Variants in CSMD2 observed in about 807,000 individuals in gnomAD.
CSMD2 encodes the protein CUB and sushi domain-containing protein 2.
In CSMD2, 130 loss-of-function variants were observed where a neutral mutation model predicts 398.5. The observed-to-expected ratio is 0.33, with a 90% confidence interval of 0.28 to 0.38. The LOEUF is 0.38. CSMD2 is among the 10% of genes least tolerant of loss of function. The pLI is 1.00. For synonymous variants in CSMD2, 1,828 were observed against 1,908.5 expected (o/e 0.96, Z 1.10); for missense variants, 3,829 against 4,764.9 (o/e 0.80, Z 5.78).
chr1:33,652,196 G>A (rs554239241), intron 28 of CSMD2, 127 bp downstream of exon 28: 6 of 932,558 alleles, frequency 6.4e-6, no homozygotes, highest in East Asian at 4.8e-5. Context: ...TCTCTCTCTC[G>A]GCTTCTTCAC....
At chr1:33,774,212 C>T (rs929219865) in intron 12 of CSMD2, among the ~76,000 whole-genome samples, 3 of 151,292 alleles carry the variant, frequency 2.0e-5, no homozygotes, top group African/African-American at 4.9e-5. Context: ...TGACCATGTG[C>T]CAGGTGTGAG....
intron 7 of CSMD2, among the ~76,000 whole-genome samples, chr1:33,825,082 A>G (rs1026348373): frequency 6.6e-6 from 1 of 152,066 alleles, no homozygotes; most frequent in Non-Finnish European, 1.5e-5. Flanking sequence ...CTAGACCCCT[A>G]TTAACCTTAC....
At chr1:33,937,990 T>C (rs146932234) in intron 3 of CSMD2, among the ~76,000 whole-genome samples, 1 of 152,372 alleles carries the variant, frequency 6.6e-6, no homozygotes, top group East Asian at 1.9e-4. Flanking sequence ...TATGTGCATG[T>C]TCATTAATTA....
chr1:34,051,129 G>A (rs984716275), intron 2 of CSMD2, among the ~76,000 whole-genome samples: 2 of 152,172 alleles, frequency 1.3e-5, no homozygotes, highest in Admixed American at 1.3e-4. Flanking sequence ...ATTATGTCTG[G>A]AATAAAGAAG....
Position 33,743,207 on chromosome 1 carries a change from G to T in CSMD2, c.2173+73C>A, listed in dbSNP as rs889588174. ...CATCCACACCTCCTCCTCCCTCCAT[G>T]GGAGCACCTTCGATCATCCTCAGAG... On this transcript the variant is annotated intron_variant, in intron 14 of 70. Coordinates refer to ENST00000373381, the MANE Select transcript of CSMD2 (RefSeq NM_001281956.2). 5 of 1,327,358 alleles carry T rather than the reference G, an allele frequency of 3.8e-6. No homozygotes were observed. The East Asian group carries it at 9.8e-5, about 26-fold the overall frequency. The allele number at this position is 1,327,358 out of a possible 1,614,324, so 82.2% of individuals were successfully genotyped here. A position where few individuals can be genotyped will look rare whatever the true frequency, so the allele number is the denominator to read the frequency against.
intron 19 of CSMD2, among the ~76,000 whole-genome samples, chr1:33,720,703 T>G (rs1646332390): frequency 6.6e-6 from 1 of 152,156 alleles, no homozygotes; most frequent in Non-Finnish European, 1.5e-5. Context: ...TTTATTTTAT[T>G]TCTTATTTTT....
chr1:33,596,551 G>A (rs1639850543), intron 44 of CSMD2, among the ~76,000 whole-genome samples: 1 of 152,200 alleles, frequency 6.6e-6, no homozygotes, highest in South Asian at 2.1e-4. Flanking sequence ...GCATGGCTGG[G>A]GAGGCCTTAG....
chr1:34,039,216 G>A (rs1651538392), intron 2 of CSMD2, among the ~76,000 whole-genome samples: 1 of 152,162 alleles, frequency 6.6e-6, no homozygotes, highest in African/African-American at 2.4e-5. Context: ...GGTCAGGCCT[G>A]GCCATGACAC....
At chr1:33,907,737 C>T (rs543623859) in intron 5 of CSMD2, among the ~76,000 whole-genome samples, 8 of 152,152 alleles carry the variant, frequency 5.3e-5, no homozygotes, top group East Asian at 3.8e-4. Context: ...GCCATTTCAT[C>T]GGACTGTCAT....
intron 32 of CSMD2, among the ~76,000 whole-genome samples, chr1:33,627,553 G>A (rs917676495): frequency 6.6e-6 from 1 of 152,188 alleles, no homozygotes; most frequent in Admixed American, 6.5e-5. Flanking sequence ...GAGGGCTAGA[G>A]TTGGGACCCA....
chr1:33,596,141 G>C (rs72662021), intron 44 of CSMD2, among the ~76,000 whole-genome samples: 13,821 of 152,178 alleles, frequency 0.091, 809 homozygotes, highest in Non-Finnish European at 0.14. Context: ...TATTCGATCA[G>C]TCACCCATCT....
At chr1:34,032,739 A>T (rs1558276438) in intron 2 of CSMD2, 33 bp from the exon 3 acceptor site, 1 of 1,468,356 alleles carries the variant, frequency 6.8e-7, no homozygotes, top group South Asian at 1.2e-5. Flanking sequence ...AGGGAGAATG[A>T]CCCCCTTGGG....
chr1:33,806,612 C>A (rs1372607898), intron 10 of CSMD2, among the ~76,000 whole-genome samples: 7 of 151,916 alleles, frequency 4.6e-5, no homozygotes, highest in Non-Finnish European at 1.5e-5. Context: ...CTAACAGACA[C>A]AAAATATAAA....
intron 40 of CSMD2, among the ~76,000 whole-genome samples, chr1:33,613,667 G>T (rs1329209856): frequency 6.6e-6 from 1 of 152,112 alleles, no homozygotes; most frequent in East Asian, 1.9e-4. Flanking sequence ...CATTTCTGAG[G>T]CTCACAGACT....
intron 1 of CSMD2, among the ~76,000 whole-genome samples, chr1:34,094,959 T>C (rs1227837539): frequency 4.9e-5 from 7 of 143,104 alleles, no homozygotes; most frequent in African/African-American, 1.8e-4. Context: ...AATATACATT[T>C]TTTTCAGCAC....
intron 21 of CSMD2, among the ~76,000 whole-genome samples, chr1:33,712,407 G>A (rs550109953): frequency 2.8e-4 from 42 of 152,336 alleles, no homozygotes; most frequent in African/African-American, 9.6e-4. Flanking sequence ...GTAGCACTAT[G>A]TGGACTAAAT....
intron 1 of CSMD2, among the ~76,000 whole-genome samples, chr1:34,126,848 G>A (rs980321179): frequency 4.6e-5 from 7 of 151,898 alleles, no homozygotes; most frequent in Non-Finnish European, 8.8e-5. Context: ...GGGCAGGGGA[G>A]GGAATAGGGA....
At chr1:33,888,423 A>C (rs1641744050) in intron 5 of CSMD2, among the ~76,000 whole-genome samples, 1 of 152,224 alleles carries the variant, frequency 6.6e-6, no homozygotes, top group African/African-American at 2.4e-5. Context: ...ATAGATTAAC[A>C]GAGAAATAAA....
At chr1:33,868,763 C>T (rs1260173644) in intron 5 of CSMD2, among the ~76,000 whole-genome samples, 1 of 151,488 alleles carries the variant, frequency 6.6e-6, no homozygotes, top group African/African-American at 2.4e-5. Flanking sequence ...ACAAACAACA[C>T]AAATACATAT....
Sources: gnomAD v4.1 joint callset for allele counts (sites outside exome capture counted in the v4.1 genomes callset) on GRCh38, gnomAD v4.1.1 for gene constraint, MANE v1.5 for transcripts, NCBI Gene and HGNC (gene_info 2026-07-23, HGNC 2026-07-21) for gene names.